Variants in TMEM131 observed in about 807,000 individuals in gnomAD.
The protein encoded by TMEM131 is 2610524E03Rik.
In TMEM131, 66 loss-of-function variants were observed where a neutral mutation model predicts 211.6. That is an observed-to-expected ratio of 0.31 (90% CI 0.26 to 0.38). The LOEUF (loss-of-function observed/expected upper bound fraction) is 0.38, where lower values mean the gene tolerates loss of function less well. Among genes scored for constraint, TMEM131 ranks in the 10% least tolerant of loss-of-function variants. TMEM131 has a pLI of 1.00. For missense variants in TMEM131, 2,036 were observed against 2,299.3 expected, an observed-to-expected ratio of 0.89 and a Z score of 2.34; for synonymous variants, 844 against 841.3, an observed-to-expected ratio of 1.00 and a Z score of -0.06.
chr2:97,921,770 A>G (rs1470935991), intron 2 of TMEM131, among the ~76,000 whole-genome samples: 1 of 152,224 alleles, frequency 6.6e-6, no homozygotes, highest in Non-Finnish European at 1.5e-5. Context: ...GTCACAAAGG[A>G]AGATATCCAA....
intron 1 of TMEM131, among the ~76,000 whole-genome samples, chr2:97,940,788 G>T (rs189713232): frequency 6.9e-6 from 1 of 145,266 alleles, no homozygotes; most frequent in Admixed American, 7.0e-5. Flanking sequence ...CAGCCTGGGC[G>T]ACAGAGCCAG....
At chr2:97,780,851 C>T (rs1156290357) in intron 31 of TMEM131, among the ~76,000 whole-genome samples, 1 of 151,752 alleles carries the variant, frequency 6.6e-6, no homozygotes, top group African/African-American at 2.4e-5. Context: ...AATGGAGAAG[C>T]GGTTTAGAAA....
At chr2:97,811,804 C>G (rs1160706520) in intron 17 of TMEM131, among the ~76,000 whole-genome samples, 1 of 152,226 alleles carries the variant, frequency 6.6e-6, no homozygotes, top group Non-Finnish European at 1.5e-5. Context: ...ATGAGATTAT[C>G]TGATGCTCCT....
chr2:97,765,533 C>T (rs1679118145), intron 35 of TMEM131, among the ~76,000 whole-genome samples: 3 of 152,276 alleles, frequency 2.0e-5, no homozygotes, highest in Non-Finnish European at 4.4e-5. Context: ...TCTGTTGCCC[C>T]CTATTTCAGG....
intron 1 of TMEM131, among the ~76,000 whole-genome samples, chr2:97,990,022 C>T (rs1168772766): frequency 6.6e-6 from 1 of 152,228 alleles, no homozygotes; most frequent in Non-Finnish European, 1.5e-5. Flanking sequence ...TCTCCAGCTC[C>T]TGTTAGTCCA....
chr2:97,760,755 C>CG, intron 37 of TMEM131, 38 bp downstream of exon 37: 1 of 1,613,720 alleles, frequency 6.2e-7, no homozygotes. Flanking sequence ...CCAGGCCTGG[C>CG]GCCTGGCGTG....
chr2:97,934,383 T>C (rs1677356046), intron 1 of TMEM131, among the ~76,000 whole-genome samples: 1 of 151,774 alleles, frequency 6.6e-6, no homozygotes, highest in Non-Finnish European at 1.5e-5. Flanking sequence ...AAGATCTACA[T>C]AAACAAGAAG....
chr2:97,793,237 T>C (rs1680589042), intron 30 of TMEM131, 158 bp downstream of exon 30: 3 of 756,016 alleles, frequency 4.0e-6, no homozygotes, highest in Non-Finnish European at 4.2e-6. Flanking sequence ...CAGCATGAGC[T>C]CTAAGTCACT....
At chr2:97,893,728 T>C (rs1573521651) in intron 3 of TMEM131, among the ~76,000 whole-genome samples, 1 of 146,416 alleles carries the variant, frequency 6.8e-6, no homozygotes, top group African/African-American at 2.5e-5. Flanking sequence ...CACCCACTTT[T>C]TGATGGTTTT....
rs1681256164 is a variant in TMEM131, at chr2:97,805,544, T to C, written c.2208+7A>G. 1 of 1,608,608 alleles carries C rather than the reference T, an allele frequency of 6.2e-7. No individual in the cohort carries two copies. The highest frequency in any genetic ancestry group is 8.5e-7 in the Non-Finnish European group (1 of 1,176,104). ...AATGGGAATTCTCAAATATAATATC[T>C]TCAAACCTTTGATTTTTTTCCTGGC... On this transcript the variant is annotated splice_region_variant and intron_variant, in intron 20 of 40. Transcript: ENST00000186436.
chr2:97,987,730 T>G lies in TMEM131; in HGVS notation c.187+7746A>C, dbSNP rs181460925. The stretch of plus-strand genomic sequence containing the variant: ...AATGCATGTTTTATTTACAATGACA[T>G]CAAAAAGAATAAAATACTTAGGAAT... On this transcript the variant is annotated intron_variant, in intron 1 of 40. Transcript: ENST00000186436. Among the ~76,000 whole-genome samples the G allele has an allele frequency of 7.0e-4, 107 of 151,978 alleles. 1 individual carries two copies. Among genetic ancestry groups the G allele is most frequent in the Non-Finnish European group, 1.2e-3 (82 of 67,996 alleles).
intron 32 of TMEM131, 134 bp from the exon 33 acceptor site, chr2:97,772,558 T>G (rs1679517489): frequency 9.3e-7 from 1 of 1,073,332 alleles, no homozygotes; most frequent in Non-Finnish European, 1.3e-6. Flanking sequence ...ACTCGTTTCT[T>G]CAAATCTGTC....
At chr2:97,767,956 A>C (rs1573327871) in intron 33 of TMEM131, among the ~76,000 whole-genome samples, 1 of 152,198 alleles carries the variant, frequency 6.6e-6, no homozygotes, top group East Asian at 1.9e-4. Flanking sequence ...CGGCACCATA[A>C]CACCCTCATT....
intron 19 of TMEM131, among the ~76,000 whole-genome samples, chr2:97,808,302 T>C (rs980682282): frequency 5.3e-5 from 8 of 152,330 alleles, no homozygotes; most frequent in Non-Finnish European, 1.0e-4. Context: ...TCAACTTGCA[T>C]ACAGCATTAA....
intron 13 of TMEM131, 122 bp from the exon 14 acceptor site, chr2:97,814,510 T>C: frequency 1.0e-6 from 1 of 993,858 alleles, no homozygotes; most frequent in Non-Finnish European, 1.4e-6. Context: ...TATTAAAGAT[T>C]TAGAACTATA....
intron 1 of TMEM131, among the ~76,000 whole-genome samples, chr2:97,950,792 A>C (rs1678276100): frequency 1.3e-5 from 2 of 152,142 alleles, no homozygotes; most frequent in African/African-American, 4.8e-5. Context: ...GTTTCTCAAC[A>C]CTGTGGAATG....
At chr2:97,799,803 C>T (rs1573379500) in intron 25 of TMEM131, among the ~76,000 whole-genome samples, 1 of 152,140 alleles carries the variant, frequency 6.6e-6, no homozygotes, top group South Asian at 2.1e-4. Flanking sequence ...AATACTCCTT[C>T]TTTTTGTAAT....
intron 32 of TMEM131, among the ~76,000 whole-genome samples, chr2:97,775,445 GAA>G (rs1679678893): frequency 1.3e-5 from 2 of 152,258 alleles, no homozygotes; most frequent in Admixed American, 1.3e-4. Flanking sequence ...AACATGACAG[GAA>G]AAACACAACC....
At chr2:97,909,360 A>G (rs1329491749) in intron 2 of TMEM131, among the ~76,000 whole-genome samples, 1 of 152,076 alleles carries the variant, frequency 6.6e-6, no homozygotes, top group East Asian at 1.9e-4. Context: ...GAGCTGGGAG[A>G]GAAGGAGAAA....
Sources: gnomAD v4.1 joint callset for allele counts (sites outside exome capture counted in the v4.1 genomes callset) on GRCh38, gnomAD v4.1.1 for gene constraint, MANE v1.5 for transcripts, NCBI Gene and HGNC (gene_info 2026-07-23, HGNC 2026-07-21) for gene names.